Variants in ARK2C observed in about 807,000 individuals in gnomAD.
The protein encoded by ARK2C is E3 ubiquitin-protein ligase ARK2C.
At chr18:46,447,469 C>G in the ARK2C span, 1 of 1,421,150 alleles carries the variant, frequency 7.0e-7, no homozygotes, top group Non-Finnish European at 9.9e-7. Context: ...GGGTGTCACT[C>G]CAATTCTACT....
At chr18:46,429,300 G>C in the ARK2C span, among the ~76,000 whole-genome samples, 1 of 152,168 alleles carries the variant, frequency 6.6e-6, no homozygotes, top group South Asian at 2.1e-4. Context: ...AGGCTGAATA[G>C]ACTAGCATAA....
the ARK2C span, among the ~76,000 whole-genome samples, chr18:46,413,277 C>T: frequency 4.6e-5 from 7 of 152,260 alleles, no homozygotes; most frequent in African/African-American, 1.7e-4. Context: ...AAGCCCAGCC[C>T]TATCCAGAAG....
chr18:46,336,426 G>C, the ARK2C span: 2 of 985,248 alleles, frequency 2.0e-6, no homozygotes, highest in African/African-American at 3.5e-5. Context: ...ATCAGTTAAA[G>C]TTTACTTTCA....
At chr18:46,410,186 TTTC>T in the ARK2C span, among the ~76,000 whole-genome samples, 1 of 152,180 alleles carries the variant, frequency 6.6e-6, no homozygotes, top group Non-Finnish European at 1.5e-5. Context: ...TCAGATCCCA[TTTC>T]TTAAGGCCCC....
the ARK2C span, among the ~76,000 whole-genome samples, chr18:46,374,701 T>G: frequency 6.6e-6 from 1 of 152,166 alleles, no homozygotes; most frequent in Non-Finnish European, 1.5e-5. Flanking sequence ...CTTTTCCCCC[T>G]TCAACAGAGT....
chr18:46,441,610 C>T, the ARK2C span, among the ~76,000 whole-genome samples: 2 of 152,090 alleles, frequency 1.3e-5, no homozygotes, highest in African/African-American at 2.4e-5. Context: ...TTGATCAGGC[C>T]AGGCGCGGTG....
chr18:46,412,420 T>C, the ARK2C span, among the ~76,000 whole-genome samples: 1 of 152,222 alleles, frequency 6.6e-6, no homozygotes, highest in Admixed American at 6.5e-5. Flanking sequence ...TGACCCTTGG[T>C]AGCAGCTCAC....
At chr18:46,361,736 C>T in the ARK2C span, among the ~76,000 whole-genome samples, 2 of 152,228 alleles carry the variant, frequency 1.3e-5, no homozygotes, top group Admixed American at 6.5e-5. Context: ...GTCCTATCCC[C>T]TCCCCAGGCG....
At chr18:46,390,589 C>G in the ARK2C span, among the ~76,000 whole-genome samples, 1 of 152,142 alleles carries the variant, frequency 6.6e-6, no homozygotes, top group Non-Finnish European at 1.5e-5. Context: ...AAATACTAAC[C>G]CTTCTCAAAG....
chr18:46,446,325 T>C, the ARK2C span, among the ~76,000 whole-genome samples: 3 of 152,308 alleles, frequency 2.0e-5, no homozygotes, highest in African/African-American at 4.8e-5. Context: ...TTTGATTACC[T>C]GGAAATACAG....
the ARK2C span, among the ~76,000 whole-genome samples, chr18:46,415,077 C>G: frequency 6.6e-6 from 1 of 152,156 alleles, no homozygotes; most frequent in Admixed American, 6.5e-5. Context: ...TCAGCCTGTG[C>G]GCTGCTGCAG....
At chr18:46,429,039 G>A in the ARK2C span, among the ~76,000 whole-genome samples, 4 of 152,032 alleles carry the variant, frequency 2.6e-5, no homozygotes, top group Non-Finnish European at 4.4e-5. Context: ...CCTTTGTCCT[G>A]TGTGATGGTA....
chr18:46,361,810 G>C, the ARK2C span, among the ~76,000 whole-genome samples: 1 of 152,194 alleles, frequency 6.6e-6, no homozygotes, highest in African/African-American at 2.4e-5. Context: ...GAGTGAATGA[G>C]ACTCTGATCC....
At chr18:46,446,516 C>G in the ARK2C span, among the ~76,000 whole-genome samples, 1 of 151,558 alleles carries the variant, frequency 6.6e-6, no homozygotes, top group African/African-American at 2.4e-5. Context: ...ACTAAAACTA[C>G]AAAAGTTATC....
the ARK2C span, among the ~76,000 whole-genome samples, chr18:46,452,241 A>C: frequency 2.6e-5 from 4 of 152,142 alleles, no homozygotes; most frequent in African/African-American, 4.8e-5. Context: ...CTGTGTTGGG[A>C]GTATAGGGTA....
the ARK2C span, among the ~76,000 whole-genome samples, chr18:46,369,053 G>A: frequency 1.3e-5 from 2 of 152,186 alleles, no homozygotes; most frequent in East Asian, 1.9e-4. Flanking sequence ...AAGAATTCAC[G>A]GTCCTGAGAA....
the ARK2C span, among the ~76,000 whole-genome samples, chr18:46,382,609 A>T: frequency 7.9e-3 from 1,198 of 152,296 alleles, 10 homozygotes; most frequent in Middle Eastern, 0.017. Context: ...TTAGCCTTGC[A>T]TGACTTAAGT....
the ARK2C span, among the ~76,000 whole-genome samples, chr18:46,424,958 G>A: frequency 2.4e-4 from 36 of 152,242 alleles, no homozygotes; most frequent in Admixed American, 1.8e-3. Context: ...AGCCAGCGCT[G>A]AACCCCGGCT....
chr18:46,388,617 A>G, the ARK2C span, among the ~76,000 whole-genome samples: 1 of 152,012 alleles, frequency 6.6e-6, no homozygotes, highest in African/African-American at 2.4e-5. Context: ...GGAGCGATGG[A>G]CCTCTGTGAC....
Sources: allele counts gnomAD v4.1 joint callset (sites outside exome capture counted in the v4.1 genomes callset), GRCh38; gene constraint gnomAD v4.1.1; transcripts MANE v1.5; gene names NCBI Gene and HGNC (gene_info 2026-07-23, HGNC 2026-07-21).